Variants in EVC2 observed in about 807,000 individuals in gnomAD.
EVC2 encodes EvC ciliary complex subunit 2.
Under a neutral mutation model 149.3 loss-of-function variants are expected in EVC2, and 148 were observed. That is an observed-to-expected ratio of 0.99 (90% CI 0.87 to 1.14). The LOEUF (loss-of-function observed/expected upper bound fraction) is 1.14. EVC2 is among the 50% of genes most tolerant of loss of function. The pLI is 0.00. For missense variants in EVC2, 1,854 were observed against 1,627.3 expected, an observed-to-expected ratio of 1.14 and a Z score of -2.40; for synonymous variants, 776 against 649.9, an observed-to-expected ratio of 1.19 and a Z score of -2.95.
At chr4:5,584,001 T>C (rs1015882546) in intron 17 of EVC2, among the ~76,000 whole-genome samples, 3 of 152,074 alleles carry the variant, frequency 2.0e-5, no homozygotes, top group Non-Finnish European at 4.4e-5. Context: ...TAAAGAATTA[T>C]TAACACTGAA....
At chr4:5,609,968 G>A (rs556950902) in intron 16 of EVC2, among the ~76,000 whole-genome samples, 43 of 152,202 alleles carry the variant, frequency 2.8e-4, no homozygotes, top group Non-Finnish European at 6.0e-4. Flanking sequence ...GAAGGGTAAA[G>A]CATGTAATGA....
chr4:5,558,215 T>C (rs1050512785), downstream of EVC2, among the ~76,000 whole-genome samples: 4 of 152,174 alleles, frequency 2.6e-5, no homozygotes, highest in Admixed American at 6.5e-5. Context: ...AACAGGTGCA[T>C]AGATCATTGG....
chr4:5,610,843 A>G (rs140517309), intron 16 of EVC2, among the ~76,000 whole-genome samples: 17 of 131,814 alleles, frequency 1.3e-4, no homozygotes, highest in African/African-American at 4.7e-4. Context: ...TTCCTTAAGT[A>G]TCTATGAATG....
At chr4:5,702,209 T>C (rs1721869192) in intron 1 of EVC2, among the ~76,000 whole-genome samples, 1 of 152,078 alleles carries the variant, frequency 6.6e-6, no homozygotes, top group African/African-American at 2.4e-5. Context: ...TACAGCACCT[T>C]CCCTGCCCAT....
chr4:5,625,638 C>T lies in EVC2; in HGVS notation c.2046+111G>A, dbSNP rs1716051125. ...ATGGCACATCATGGTGCCTGCCCAG[C>T]TGCCCTTCTGATCCTAGTTCACCAA... On this transcript the variant is annotated intron_variant, in intron 13 of 21. Coordinates refer to ENST00000344408, the MANE Select transcript of EVC2 (RefSeq NM_147127.5). This position sits in a 1 kb window ranked among gnomAD's most constrained non-coding sequence, Gnocchi z 4.0. The T allele has an allele frequency of 1.1e-5, 15 of 1,416,862 alleles. No individual in the cohort carries two copies. Among genetic ancestry groups the T allele is most frequent in the Non-Finnish European group, 1.5e-5 (15 of 1,020,290 alleles). The allele number at this position is 1,416,862 out of a possible 1,614,324, so 87.8% of individuals were successfully genotyped here.
chr4:5,537,070 T>C, the EVC2 span, among the ~76,000 whole-genome samples: 2 of 152,140 alleles, frequency 1.3e-5, no homozygotes, highest in Non-Finnish European at 1.5e-5. Context: ...AAACAATAGT[T>C]TTCAAGGTGT....
chr4:5,529,850 A>G, the EVC2 span, among the ~76,000 whole-genome samples: 2 of 130,866 alleles, frequency 1.5e-5, no homozygotes, highest in Non-Finnish European at 1.6e-5. This position sits in a 1 kb window ranked among gnomAD's most constrained non-coding sequence, Gnocchi z 4.5. Context: ...GAGTCTCACT[A>G]TTGTCACCCA....
intron 19 of EVC2, 82 bp downstream of exon 19, chr4:5,574,603 G>T: frequency 7.2e-7 from 1 of 1,386,908 alleles, no homozygotes; most frequent in Non-Finnish European, 1.0e-6. Flanking sequence ...CATCCTGGAG[G>T]TGAGGAAATG....
rs536732931 is a variant in EVC2 at position 5,584,732 on chromosome 4, G to A, written c.2948C>T (p.Ser983Leu). Residue 983 changes from serine (S) to leucine (L), a missense_variant, in exon 17 of 22, where the codon TCG (serine) becomes TTG (leucine). Ser to Leu is a moderately radical substitution (Grantham distance 145). Transcript: ENST00000344408. ...GATGCTGAGGAGGGCGGTGTAGGCC[G>A]ACAGAGTCTCGGTCACCCGGGACGC... ...QKASRVTETL[S>L]AYTALLSIQD... The A allele has an allele frequency of 1.5e-5, 24 of 1,614,164 alleles. 1 individual carries two copies. Among genetic ancestry groups the A allele is most frequent in the African/African-American group, 5.3e-5 (4 of 75,030 alleles).
rs183437877 is a variant in EVC2, at chr4:5,610,865, G to A, written c.2829+4557C>T. Among the ~76,000 whole-genome samples, 434 of 146,032 alleles carry A rather than the reference G, an allele frequency of 3.0e-3. 1 individual carries two copies. The highest frequency in any genetic ancestry group is 0.011 in the African/African-American group (423 of 38,864). ...AGTATCTATGAATGTGTGGCAAGTA[G>A]ACTAGGATGGGTAAGCTGGAAAGAC... is the stretch of plus-strand genomic sequence containing the variant. On this transcript the variant is annotated intron_variant, in intron 16 of 21. Transcript: ENST00000344408.
rs1721461778 is a variant in EVC2 at position 5,696,113 on chromosome 4, T to C, written c.283+1480A>G. On this transcript the variant is annotated intron_variant, in intron 2 of 21. Coordinates refer to ENST00000344408, the MANE Select transcript of EVC2 (RefSeq NM_147127.5). This position sits in a 1 kb window ranked among gnomAD's most constrained non-coding sequence, Gnocchi z 4.1. ...GGAATGTCTGAGTAGAGCATATGGG[T>C]GCAAGTGAGACCGGACATCCATCTC... 1.3e-5 allele frequency among the ~76,000 whole-genome samples: 2 copies of C among 152,050 alleles called. No homozygotes were observed. Among genetic ancestry groups the C allele is most frequent in the Admixed American group, 1.3e-4 (2 of 15,260 alleles).
intron 1 of EVC2, among the ~76,000 whole-genome samples, chr4:5,699,331 G>A (rs2151741364): frequency 6.6e-6 from 1 of 152,324 alleles, no homozygotes; most frequent in African/African-American, 2.4e-5. Flanking sequence ...GTTATGGGCA[G>A]CGTAAAGAAT....
chr4:5,640,921 AT>A lies in EVC2; in HGVS notation c.1146-84del. ...GGTCTTTCAAAGCTCTGAGGTTTTC[AT>A]TTATGTGTAGGCAAGGGCTTTCTTC... is the stretch of plus-strand genomic sequence containing the variant. On this transcript the variant is annotated intron_variant, in intron 9 of 21. Coordinates refer to ENST00000344408, the MANE Select transcript of EVC2 (RefSeq NM_147127.5). The surrounding 1 kb of genome is among the most constrained non-coding windows in gnomAD (Gnocchi z 4.6). The A allele has an allele frequency of 6.7e-7, 1 of 1,499,322 alleles. No individual in the cohort carries two copies. Among genetic ancestry groups the A allele is most frequent in the Non-Finnish European group, 9.2e-7 (1 of 1,081,162 alleles). The allele number at this position is 1,499,322 out of a possible 1,614,324, so 92.9% of individuals were successfully genotyped here. A position where few individuals can be genotyped will look rare whatever the true frequency, so the allele number is the denominator to read the frequency against.
intron 21 of EVC2, among the ~76,000 whole-genome samples, chr4:5,555,681 T>C (rs1230088749): frequency 6.6e-6 from 1 of 152,028 alleles, no homozygotes; most frequent in African/African-American, 2.4e-5. Context: ...TATAAACAAA[T>C]CCACTACTAT....
chr4:5,684,821 TTGTATGCCTGGTGTCC>T (rs1720584183), intron 6 of EVC2, among the ~76,000 whole-genome samples: 1 of 152,110 alleles, frequency 6.6e-6, no homozygotes, highest in South Asian at 2.1e-4. Flanking sequence ...GGTCATGGTC[TTGTATGCCTGGTGTCC>T]TTATAGAAGA....
chr4:5,600,185 A>C (rs1381883218), intron 16 of EVC2, among the ~76,000 whole-genome samples: 1 of 152,164 alleles, frequency 6.6e-6, no homozygotes, highest in Admixed American at 6.5e-5. Flanking sequence ...AACCTGTCTG[A>C]GTCTCAGTTT....
chr4:5,663,738 C>T (rs1013919616), intron 8 of EVC2, among the ~76,000 whole-genome samples: 20 of 151,910 alleles, frequency 1.3e-4, no homozygotes, highest in Non-Finnish European at 2.5e-4. Flanking sequence ...CTGGCCAACA[C>T]GGTGAAACCC....
At chr4:5,638,609 C>G (rs1717067671) in intron 10 of EVC2, among the ~76,000 whole-genome samples, 1 of 151,852 alleles carries the variant, frequency 6.6e-6, no homozygotes, top group Admixed American at 6.6e-5. Flanking sequence ...ACACTCCCAC[C>G]CCCCAAAAAA....
chr4:5,548,480 G>T (rs551505595), intron 21 of EVC2, among the ~76,000 whole-genome samples: 2 of 151,340 alleles, frequency 1.3e-5, no homozygotes, highest in African/African-American at 4.8e-5. Flanking sequence ...TAAGTTGTGT[G>T]TCACATGTGA....
Sources: gnomAD v4.1 joint callset for allele counts (sites outside exome capture counted in the v4.1 genomes callset) on GRCh38, gnomAD v4.1.1 for gene constraint, Gnocchi (gnomAD v3.1) non-coding constraint, MANE v1.5 for transcripts, NCBI Gene and HGNC (gene_info 2026-07-23, HGNC 2026-07-21) for gene names.